TRPM3: variants seen among roughly 807,000 people sequenced by gnomAD.
The protein encoded by TRPM3 is long transient receptor potential channel 3.
TRPM3 carries 77 observed loss-of-function variants against 181.2 expected under a neutral mutation model. That is an observed-to-expected ratio of 0.42 (90% confidence interval 0.35 to 0.51). The LOEUF is 0.51. Ranked by LOEUF, TRPM3 falls within the 20% of genes least tolerant of loss-of-function variation. The pLI, the probability that TRPM3 is intolerant of heterozygous loss-of-function variation, is 0.01. For missense variants in TRPM3, 1,759 were observed against 2,196.7 expected (o/e 0.80, Z 3.98); for synonymous variants, 745 against 796.4 (o/e 0.94, Z 1.09).
intron 9 of TRPM3, among the ~76,000 whole-genome samples, chr9:70,680,565 C>T (rs941801044): frequency 1.3e-5 from 2 of 152,082 alleles, no homozygotes; most frequent in Admixed American, 1.3e-4. Flanking sequence ...AGTAATGAAC[C>T]AGACACATTC....
chr9:71,007,377 A>T (rs1420721133), intron 1 of TRPM3, among the ~76,000 whole-genome samples: 1 of 152,188 alleles, frequency 6.6e-6, no homozygotes, highest in Non-Finnish European at 1.5e-5. Context: ...AGACATTTAC[A>T]GTAAATTCCA....
At chr9:71,307,351 GT>G (rs904356823) in intron 1 of TRPM3, among the ~76,000 whole-genome samples, 49 of 151,862 alleles carry the variant, frequency 3.2e-4, no homozygotes, top group Middle Eastern at 3.4e-3. Context: ...TGAATTTTAA[GT>G]TGTTGATTTC....
chr9:70,699,740 G>T (rs1042949999), intron 8 of TRPM3, among the ~76,000 whole-genome samples: 1 of 152,204 alleles, frequency 6.6e-6, no homozygotes, highest in Non-Finnish European at 1.5e-5. Flanking sequence ...AAATCTTGGA[G>T]TGAGGATTGG....
chr9:71,297,929 T>G (rs1467780992), intron 1 of TRPM3, among the ~76,000 whole-genome samples: 3 of 152,198 alleles, frequency 2.0e-5, no homozygotes, highest in Non-Finnish European at 2.9e-5. Flanking sequence ...GAACGGCTCA[T>G]AGCTCAGCAG....
chr9:70,644,751 A>G (rs2058564902), intron 9 of TRPM3, among the ~76,000 whole-genome samples: 1 of 152,208 alleles, frequency 6.6e-6, no homozygotes, highest in Non-Finnish European at 1.5e-5. Flanking sequence ...TCAAACAGGA[A>G]GAGAGGAAGT....
chr9:70,831,505 A>T (rs1424818766), intron 5 of TRPM3, among the ~76,000 whole-genome samples: 3 of 152,008 alleles, frequency 2.0e-5, no homozygotes, highest in Non-Finnish European at 4.4e-5. Flanking sequence ...TTTCCTGAGA[A>T]ATTAAGTCCT....
intron 7 of TRPM3, chr9:70,775,334 A>G (rs560846473): frequency 6.6e-6 from 1 of 152,354 alleles, no homozygotes; most frequent in East Asian, 1.9e-4. Flanking sequence ...AAATGGGTAA[A>G]GAAATGCATT....
intron 25 of TRPM3, among the ~76,000 whole-genome samples, chr9:70,538,006 T>C (rs1023791102): frequency 6.6e-6 from 1 of 152,240 alleles, no homozygotes; most frequent in African/African-American, 2.4e-5. Context: ...CTTTTTAGAA[T>C]GTTGTGTCTC....
At chr9:70,864,207 C>T (rs544894391) in intron 2 of TRPM3, among the ~76,000 whole-genome samples, 1 of 152,102 alleles carries the variant, frequency 6.6e-6, no homozygotes, top group Non-Finnish European at 1.5e-5. Context: ...ATTCCTTCCA[C>T]AATGGTATAT....
rs75015482 is a variant in TRPM3 at position 71,023,983 on chromosome 9, G to C, written c.177+97195C>G. Among the ~76,000 whole-genome samples, 752 of 152,256 alleles carry C rather than the reference G, an allele frequency of 4.9e-3. 18 individuals are homozygous for C. In the East Asian group the frequency reaches 0.077, roughly 16 times the overall value. The stretch of plus-strand genomic sequence containing the variant: ...TATAAAACTAAATACACACACAAAT[G>C]AATGTAAGTGAAACTTGGGAAATAT... On this transcript the variant is annotated intron_variant, in intron 1 of 25. Coordinates refer to ENST00000677713, the MANE Select transcript of TRPM3 (RefSeq NM_001366145.2).
chr9:70,535,304 G>T lies in TRPM3; in HGVS notation c.*649C>A. 9.3e-7 allele frequency: 1 copy of T among 1,074,424 alleles called. No individual in the cohort carries two copies. The allele number at this position is 1,074,424 out of a possible 1,614,324, so 66.6% of individuals were successfully genotyped here. On this transcript the variant is annotated 3_prime_UTR_variant, in exon 26 of 26. Coordinates refer to ENST00000677713, the MANE Select transcript of TRPM3 (RefSeq NM_001366145.2). ...AAAAGGATAAACAGTTGTGGCACCA[G>T]AAGTGAATAGATAAGAGACAGGTGA... is the stretch of plus-strand genomic sequence containing the variant.
chr9:71,180,780 C>T (rs1043995244), intron 1 of TRPM3, among the ~76,000 whole-genome samples: 3 of 151,970 alleles, frequency 2.0e-5, no homozygotes, highest in Non-Finnish European at 4.4e-5. Flanking sequence ...AATTTTTTGA[C>T]CCCAGTTAAA....
intron 1 of TRPM3, among the ~76,000 whole-genome samples, chr9:71,154,317 A>G (rs148497201): frequency 4.6e-5 from 7 of 152,244 alleles, no homozygotes; most frequent in Admixed American, 2.6e-4. Flanking sequence ...ACACCAAAAC[A>G]TCACTCAACC....
intron 1 of TRPM3, among the ~76,000 whole-genome samples, chr9:71,266,658 T>C (rs1282387699): frequency 6.6e-6 from 1 of 152,224 alleles, no homozygotes; most frequent in Non-Finnish European, 1.5e-5. Flanking sequence ...CAAAATTGCA[T>C]GTGTATAATA....
chr9:71,405,167 A>G (rs1333672333), intron 1 of TRPM3, among the ~76,000 whole-genome samples: 3 of 152,216 alleles, frequency 2.0e-5, no homozygotes, highest in African/African-American at 7.2e-5. Flanking sequence ...TGGTAAGTAA[A>G]ATGATAATTA....
At chr9:71,294,288 A>G (rs1198029398) in intron 1 of TRPM3, among the ~76,000 whole-genome samples, 1 of 152,084 alleles carries the variant, frequency 6.6e-6, no homozygotes, top group African/African-American at 2.4e-5. Context: ...TCCATAAGAC[A>G]AAAACAAAAA....
At chr9:70,554,405 G>A (rs1039446639) in intron 22 of TRPM3, among the ~76,000 whole-genome samples, 24 of 152,232 alleles carry the variant, frequency 1.6e-4, no homozygotes, top group Middle Eastern at 3.4e-3. Flanking sequence ...TTTGATGATC[G>A]GCCAGGAAGA....
chr9:70,646,875 C>G (rs375060747), intron 9 of TRPM3, among the ~76,000 whole-genome samples: 1 of 85,382 alleles, frequency 1.2e-5, no homozygotes, highest in East Asian at 3.7e-4. Context: ...CATGGAAGTA[C>G]AAAAAAAAAA....
At chr9:70,767,985 G>A (rs2079477656) in intron 7 of TRPM3, among the ~76,000 whole-genome samples, 1 of 152,146 alleles carries the variant, frequency 6.6e-6, no homozygotes, top group Non-Finnish European at 1.5e-5. Context: ...GAAGATGGAA[G>A]GAATAGACTT....
Sources: gnomAD v4.1 joint callset for allele counts (sites outside exome capture counted in the v4.1 genomes callset) on GRCh38, gnomAD v4.1.1 for gene constraint, MANE v1.5 for transcripts, NCBI Gene and HGNC (gene_info 2026-07-23, HGNC 2026-07-21) for gene names.